SETX: variants seen among roughly 807,000 people sequenced by gnomAD.
The protein encoded by SETX is helicase senataxin.
A neutral mutation model predicts 227.2 loss-of-function variants in SETX; 90 were observed. That is an observed-to-expected ratio of 0.40 (90% CI 0.33 to 0.47). The LOEUF is 0.47. SETX is among the 20% of genes least tolerant of loss of function. The pLI is 0.91. For missense variants in SETX, 3,052 were observed against 3,181.5 expected, an observed-to-expected ratio of 0.96 and a Z score of 0.98; for synonymous variants, 1,210 against 1,113.2, an observed-to-expected ratio of 1.09 and a Z score of -1.73.
intron 7 of SETX, among the ~76,000 whole-genome samples, chr9:132,333,363 G>A (rs796579004): frequency 6.9e-4 from 83 of 121,154 alleles, no homozygotes; most frequent in African/African-American, 2.6e-3. Flanking sequence ...GGGTGAGAGA[G>A]AAAGACTTGG....
chr9:132,339,203 G>C (rs1032287033), intron 5 of SETX, among the ~76,000 whole-genome samples: 3 of 151,818 alleles, frequency 2.0e-5, no homozygotes, highest in Non-Finnish European at 2.9e-5. Flanking sequence ...CCTTCCTCAG[G>C]CCAGGCATGG....
At chr9:132,339,523 T>C (rs1296623829) in intron 5 of SETX, among the ~76,000 whole-genome samples, 1 of 152,224 alleles carries the variant, frequency 6.6e-6, no homozygotes, top group Non-Finnish European at 1.5e-5. Context: ...TGCAAAGAGT[T>C]TGAAAACTGA....
intron 18 of SETX, among the ~76,000 whole-genome samples, chr9:132,284,010 A>G (rs1843687941): frequency 6.6e-6 from 1 of 152,222 alleles, no homozygotes; most frequent in South Asian, 2.1e-4. Flanking sequence ...TCAGTCAATC[A>G]GCATTTCCAG....
intron 4 of SETX, among the ~76,000 whole-genome samples, chr9:132,345,964 G>A (rs1848262288): frequency 6.6e-6 from 1 of 152,074 alleles, no homozygotes; most frequent in South Asian, 2.1e-4. Context: ...GGCTGCAGTG[G>A]GCCATGACTG....
intron 10 of SETX, among the ~76,000 whole-genome samples, chr9:132,320,094 ATTC>A (rs1846225822): frequency 6.6e-6 from 1 of 152,306 alleles, no homozygotes; most frequent in East Asian, 1.9e-4. Flanking sequence ...TAAAAAAAAA[ATTC>A]TTCTTCCCGT....
chr9:132,321,143 C>A (rs1386619353), intron 10 of SETX, among the ~76,000 whole-genome samples: 2 of 152,248 alleles, frequency 1.3e-5, no homozygotes, highest in Admixed American at 6.5e-5. Context: ...ACACTCAGCT[C>A]CCTGCCACGC....
At chr9:132,339,319 C>CA (rs1847828896) in intron 5 of SETX, among the ~76,000 whole-genome samples, 1 of 151,994 alleles carries the variant, frequency 6.6e-6, no homozygotes, top group South Asian at 2.1e-4. Flanking sequence ...CCCATCTCTA[C>CA]AAAAAATTAG....
At chr9:132,334,197 G>A (rs560777616) in intron 7 of SETX, among the ~76,000 whole-genome samples, 118 of 152,300 alleles carry the variant, frequency 7.7e-4, no homozygotes, top group Non-Finnish European at 1.4e-3. Context: ...TGTAATCCCA[G>A]CACTTTGGGA....
At chr9:132,301,441 G>A (rs575506359) in intron 11 of SETX, among the ~76,000 whole-genome samples, 63 of 152,062 alleles carry the variant, frequency 4.1e-4, no homozygotes, top group South Asian at 6.2e-4. Flanking sequence ...CAAAACCCCC[G>A]AAGAAAATTC....
intron 20 of SETX, among the ~76,000 whole-genome samples, chr9:132,279,551 A>C (rs1291138742): frequency 2.6e-5 from 4 of 152,258 alleles, no homozygotes; most frequent in African/African-American, 9.6e-5. Flanking sequence ...AAGCCTGAAT[A>C]AACTTGTTTC....
At chr9:132,349,121 AAAAAC>A in intron 3 of SETX, 126 bp downstream of exon 3, 2 of 959,068 alleles carry the variant, frequency 2.1e-6, no homozygotes, top group South Asian at 1.5e-5. Context: ...AAAACAAAAC[AAAAAC>A]AAAAAAAAAA....
At chr9:132,335,544 C>T (rs1447705594) in intron 6 of SETX, among the ~76,000 whole-genome samples, 1 of 151,656 alleles carries the variant, frequency 6.6e-6, no homozygotes, top group East Asian at 1.9e-4. Context: ...GTAGCACAAT[C>T]CTAGCTCACT....
In SETX at chr9:132,329,723, T is replaced by C. The variant is rs747678484; in HGVS notation, c.1875A>G (p.Glu625=). Residue 625 remains glutamate (E), a synonymous_variant, in exon 10 of 26, where the codon GAA becomes GAG. Transcript: ENST00000224140. ...SPASYNKEES[E]QMGKTSRKDM... ...CTTTTCTAGACGTCTTCCCCATTTG[T>C]TCACTTTCTTCTTTATTATAAGATG... 4.2e-5 allele frequency: 67 copies of C among 1,614,162 alleles called. No homozygotes were observed. The highest frequency in any genetic ancestry group is 5.7e-5 in the Non-Finnish European group (67 of 1,180,034).
chr9:132,349,248 T>C lies in SETX; in HGVS notation c.177+4A>G. 1 of 1,613,844 alleles carries C rather than the reference T, an allele frequency of 6.2e-7. No homozygotes were observed. The highest frequency in any genetic ancestry group is 8.5e-7 in the Non-Finnish European group (1 of 1,179,924). On this transcript the variant is annotated splice_donor_region_variant and intron_variant, in intron 3 of 25. Transcript: ENST00000224140. ...AAAAATATTGCCCATCTAATATATTTTACCTCATGCAAGAATGGCAATTCA... is the reference window on the plus strand; with the variant it reads ...AAAAATATTGCCCATCTAATATATTCTACCTCATGCAAGAATGGCAATTCA...
chr9:132,302,787 G>C (rs1589683020), intron 11 of SETX, among the ~76,000 whole-genome samples: 1 of 151,076 alleles, frequency 6.6e-6, no homozygotes, highest in Non-Finnish European at 1.5e-5. Context: ...AAACTGAAAG[G>C]CTGACTATCC....
chr9:132,344,065 G>A (rs1848151459), intron 4 of SETX, among the ~76,000 whole-genome samples: 1 of 152,206 alleles, frequency 6.6e-6, no homozygotes, highest in South Asian at 2.1e-4. Flanking sequence ...GAGTCCTGCA[G>A]TTGGCCCTGA....
chr9:132,275,514 G>T, intron 22 of SETX, 94 bp from the exon 23 acceptor site: 1 of 1,092,488 alleles, frequency 9.2e-7, no homozygotes, highest in Non-Finnish European at 1.3e-6. Flanking sequence ...TCCCATTATA[G>T]TAAAGGGCAG....
rs899867518 is a variant in SETX at position 132,346,440 on chromosome 9, A to C, written c.209T>G (p.Ile70Arg). 6.2e-7 allele frequency: 1 copy of C among 1,613,142 alleles called. No homozygotes were observed. The highest frequency in any genetic ancestry group is 1.7e-5 in the Admixed American group (1 of 59,960). Residue 70 changes from isoleucine to arginine, a missense_variant, in exon 4 of 26, where the codon ATA becomes AGA. This residue lies in a region of SETX where 152 missense variants were observed against 156.2 expected (regional missense o/e 0.97). Coordinates refer to ENST00000224140, the MANE Select transcript of SETX (RefSeq NM_015046.7). Reference sequence around the variant, plus strand: ...CTTCATGGATTTTTCAAAGTGATTTATGAGACGTAAGGTTTCTAATTCCCA... The same window carrying C: ...CTTCATGGATTTTTCAAAGTGATTTCTGAGACGTAAGGTTTCTAATTCCCA... Reference protein sequence around the residue: ...VLWELETLRLINHFEKSMKAE... With the variant: ...VLWELETLRLRNHFEKSMKAE...
chr9:132,328,329 A>C lies in SETX; in HGVS notation c.3269T>G (p.Phe1090Cys). The change falls in exon 10 of 26, where the codon TTT becomes TGT. Residue 1090 changes from phenylalanine (F) to cysteine (C), a missense_variant. Coordinates refer to ENST00000224140, the MANE Select transcript of SETX (RefSeq NM_015046.7). ...GTCTGGATGATCTTGCCAAACTGAA[A>C]ACACTTCAGATGAACTTTCAAACTC... ...CFEFESSSEV[F>C]SVWQDHPDDN... 6.8e-6 allele frequency: 11 copies of C among 1,614,110 alleles called. No individual in the cohort carries two copies. The highest frequency in any genetic ancestry group is 9.3e-6 in the Non-Finnish European group (11 of 1,180,012).
Sources: gnomAD v4.1 joint callset for allele counts (sites outside exome capture counted in the v4.1 genomes callset) on GRCh38, gnomAD v4.1.1 for gene constraint, gnomAD v4.1.1 regional missense constraint, MANE v1.5 for transcripts, NCBI Gene and HGNC (gene_info 2026-07-23, HGNC 2026-07-21) for gene names.